RERG: variants seen among roughly 807,000 people sequenced by gnomAD.
The protein encoded by RERG is ras-related and estrogen-regulated growth inhibitor.
Under a neutral mutation model 23.2 loss-of-function variants are expected in RERG, and 25 were observed. That is an observed-to-expected ratio of 1.08 (90% confidence interval 0.79 to 1.50). The LOEUF (loss-of-function observed/expected upper bound fraction) is 1.50, where lower values mean the gene tolerates loss of function less well. Among genes scored for constraint, RERG ranks in the 40% most tolerant of loss-of-function variants. RERG has a pLI of 0.00. For synonymous variants in RERG, 81 were observed against 89.1 expected, an observed-to-expected ratio of 0.91 and a Z score of 0.51; for missense variants, 253 against 250.1, an observed-to-expected ratio of 1.01 and a Z score of -0.08.
At chr12:15,215,443 GCCT>G (rs1865427612) in intron 2 of RERG, among the ~76,000 whole-genome samples, 3 of 152,138 alleles carry the variant, frequency 2.0e-5, no homozygotes, top group Non-Finnish European at 4.4e-5. Context: ...TGTCATGGGA[GCCT>G]GGGAAGGAAG....
chr12:15,187,860 A>C (rs7316687), intron 2 of RERG, among the ~76,000 whole-genome samples: 17,481 of 152,080 alleles, frequency 0.11, 1,043 homozygotes, highest in South Asian at 0.16. Flanking sequence ...TGCCTGGCTG[A>C]GAACTTTTTC....
chr12:15,183,565 T>G (rs939154202), intron 2 of RERG, among the ~76,000 whole-genome samples: 1 of 152,168 alleles, frequency 6.6e-6, no homozygotes, highest in Non-Finnish European at 1.5e-5. Context: ...GGTATACAAT[T>G]TTTAACCCAG....
At chr12:15,156,254 T>G (rs1193548798) in intron 2 of RERG, among the ~76,000 whole-genome samples, 1 of 152,220 alleles carries the variant, frequency 6.6e-6, no homozygotes. Flanking sequence ...GTGATTTGTT[T>G]CTACATTCAT....
chr12:15,174,722 T>G (rs1338193851), intron 2 of RERG, among the ~76,000 whole-genome samples: 3 of 152,218 alleles, frequency 2.0e-5, no homozygotes, highest in Admixed American at 6.6e-5. Flanking sequence ...TTTTTTCTTC[T>G]GTCAGCTAAA....
At chr12:15,193,382 A>G (rs1173326141) in intron 2 of RERG, among the ~76,000 whole-genome samples, 1 of 152,178 alleles carries the variant, frequency 6.6e-6, no homozygotes, top group African/African-American at 2.4e-5. Context: ...GTTGGTAGAC[A>G]TGCCTCCACC....
chr12:15,130,334 T>C (rs1011151493), intron 2 of RERG, among the ~76,000 whole-genome samples: 11 of 152,192 alleles, frequency 7.2e-5, no homozygotes, highest in African/African-American at 2.7e-4. Flanking sequence ...GGACTTAACT[T>C]ATAATTCTAT....
chr12:15,152,654 G>T lies in RERG; in HGVS notation c.62-31535C>A, dbSNP rs11056374. ...TTGAATTGAGGAAACCAGTCCAGCT[G>T]GAGCACCACCCTGTGGTTTCGCATG... is the stretch of plus-strand genomic sequence containing the variant. On this transcript the variant is annotated intron_variant, in intron 2 of 4. Coordinates refer to ENST00000256953, the MANE Select transcript of RERG (RefSeq NM_032918.3). Among the ~76,000 whole-genome samples, 845 of 152,228 alleles carry T rather than the reference G, an allele frequency of 5.6e-3. 5 individuals carry two copies. The highest frequency in any genetic ancestry group is 0.017 in the Middle Eastern group (5 of 294).
At chr12:15,192,220 G>GC (rs1865081085) in intron 2 of RERG, among the ~76,000 whole-genome samples, 1 of 152,096 alleles carries the variant, frequency 6.6e-6, no homozygotes, top group Non-Finnish European at 1.5e-5. Flanking sequence ...TGTCTCTCTT[G>GC]CTCCTGCTCC....
intron 2 of RERG, among the ~76,000 whole-genome samples, chr12:15,137,055 G>T (rs1864155852): frequency 6.6e-6 from 1 of 151,646 alleles, no homozygotes; most frequent in Non-Finnish European, 1.5e-5. Context: ...GTTCCATCAG[G>T]TTTTACCTCA....
At chr12:15,143,681 C>A (rs1864280101) in intron 2 of RERG, among the ~76,000 whole-genome samples, 1 of 152,054 alleles carries the variant, frequency 6.6e-6, no homozygotes, top group South Asian at 2.1e-4. Context: ...CTTCATGGTC[C>A]TTAGATTTTA....
chr12:15,210,485 T>A (rs1301541976), intron 2 of RERG, among the ~76,000 whole-genome samples: 1 of 152,228 alleles, frequency 6.6e-6, no homozygotes, highest in Non-Finnish European at 1.5e-5. Context: ...CATATTTTTC[T>A]TAAGAGAAAA....
chr12:15,142,602 G>T (rs1018403553), intron 2 of RERG, among the ~76,000 whole-genome samples: 1 of 152,024 alleles, frequency 6.6e-6, no homozygotes, highest in Admixed American at 6.6e-5. Context: ...GGATTGTTTG[G>T]TGGCGACTTA....
intron 2 of RERG, among the ~76,000 whole-genome samples, chr12:15,168,478 T>C (rs942429980): frequency 6.6e-6 from 1 of 152,170 alleles, no homozygotes; most frequent in African/African-American, 2.4e-5. Context: ...GTTTTGATGA[T>C]CAAAATCAAA....
chr12:15,179,566 T>C (rs1477974284), intron 2 of RERG, among the ~76,000 whole-genome samples: 20 of 152,226 alleles, frequency 1.3e-4, no homozygotes, highest in Admixed American at 1.3e-3. Flanking sequence ...ATGCCCCTGA[T>C]TGTATTATCT....
intron 3 of RERG, 68 bp downstream of exon 3, chr12:15,120,993 GAA>G (rs1034402104): frequency 1.7e-6 from 2 of 1,172,968 alleles, no homozygotes; most frequent in African/African-American, 3.1e-5. Flanking sequence ...TGTTGCAACA[GAA>G]AACATTATTC....
intron 2 of RERG, among the ~76,000 whole-genome samples, chr12:15,155,608 G>A (rs1401496347): frequency 6.6e-6 from 1 of 152,150 alleles, no homozygotes; most frequent in South Asian, 2.1e-4. Flanking sequence ...TTGGGATTGG[G>A]GGACTCCTGT....
At chr12:15,139,686 A>G (rs892670770) in intron 2 of RERG, among the ~76,000 whole-genome samples, 1 of 152,144 alleles carries the variant, frequency 6.6e-6, no homozygotes, top group Non-Finnish European at 1.5e-5. Context: ...ATTTGATATA[A>G]TTACTTATTA....
chr12:15,159,805 C>G (rs1864578350), intron 2 of RERG, among the ~76,000 whole-genome samples: 1 of 152,150 alleles, frequency 6.6e-6, no homozygotes, highest in Non-Finnish European at 1.5e-5. Flanking sequence ...GCCTGGGCGA[C>G]AGAGCAGGAC....
chr12:15,186,402 T>C lies in RERG; in HGVS notation c.61+31027A>G, dbSNP rs548464202. ...CAGGAAAAATTTAAAAAATTAAAAA[T>C]GTACATTTAATTCTAATGTTTTAAA... On this transcript the variant is annotated intron_variant, in intron 2 of 4. Transcript: ENST00000256953. Among the ~76,000 whole-genome samples the C allele has an allele frequency of 3.7e-4, 56 of 152,156 alleles. 1 individual carries two copies. The East Asian group carries it at 0.01, about 27-fold the overall frequency.
Sources: allele counts gnomAD v4.1 joint callset (sites outside exome capture counted in the v4.1 genomes callset), GRCh38; gene constraint gnomAD v4.1.1; transcripts MANE v1.5; gene names NCBI Gene and HGNC (gene_info 2026-07-23, HGNC 2026-07-21).